ACMSD: variants seen among roughly 807,000 people sequenced by gnomAD.
The protein encoded by ACMSD is aminocarboxymuconate semialdehyde decarboxylase.
Under a neutral mutation model 45.9 loss-of-function variants are expected in ACMSD, and 37 were observed. The observed-to-expected ratio is 0.81, with a 90% confidence interval of 0.62 to 1.06. The LOEUF is 1.06. ACMSD is among the 50% of genes least tolerant of loss of function. The probability of loss-of-function intolerance (pLI) is 0.00; values close to 1 mark genes in which losing one functional copy is unlikely to be tolerated. For missense variants in ACMSD, 434 were observed against 420.9 expected (o/e 1.03, Z -0.27); for synonymous variants, 138 against 148.8 (o/e 0.93, Z 0.53).
chr2:134,885,361 CAT>C (rs1293580382), intron 8 of ACMSD, among the ~76,000 whole-genome samples: 32 of 95,726 alleles, frequency 3.3e-4, no homozygotes, highest in African/African-American at 1.2e-3. Context: ...TATATATTTA[CAT>C]ATATATTATA....
intron 8 of ACMSD, among the ~76,000 whole-genome samples, chr2:134,874,550 C>A (rs1315133908): frequency 2.6e-5 from 4 of 152,014 alleles, no homozygotes; most frequent in Non-Finnish European, 5.9e-5. Flanking sequence ...AGGGAGGTCT[C>A]TAGAAAGAAA....
chr2:134,897,150 CAA>C (rs1208357847), intron 8 of ACMSD, among the ~76,000 whole-genome samples: 1 of 145,182 alleles, frequency 6.9e-6, no homozygotes. Context: ...AATTATATCT[CAA>C]AAAAAAAAGA....
At chr2:134,891,951 ATTATC>A (rs1278413666) in intron 8 of ACMSD, among the ~76,000 whole-genome samples, 1 of 152,188 alleles carries the variant, frequency 6.6e-6, no homozygotes, top group African/African-American at 2.4e-5. Flanking sequence ...ACTGGAGGCT[ATTATC>A]TTAAGTGAAA....
intron 5 of ACMSD, 65 bp from the exon 6 acceptor site, chr2:134,867,514 C>T (rs1688158277): frequency 1.5e-6 from 2 of 1,290,462 alleles, no homozygotes; most frequent in Non-Finnish European, 1.1e-6. Flanking sequence ...TTCCCCAAAA[C>T]AGTACCTGGT....
Position 134,898,357 on chromosome 2 carries a change from G to A in ACMSD, c.866G>A (p.Gly289Glu), listed in dbSNP as rs1026003140. Reference protein sequence around the residue: ...DVIGKDKVILGTDYPFPLGEL... With the variant: ...DVIGKDKVILETDYPFPLGEL... ...GTTTTTTAGGATAAAGTCATTTTGG[G>A]AACCGATTACCCCTTTCCACTAGGT... is the stretch of plus-strand genomic sequence containing the variant. The change falls in exon 9 of 10, where the codon GGA (glycine) becomes GAA (glutamate). Residue 289 changes from glycine to glutamate, a missense_variant. Coordinates refer to ENST00000356140, the MANE Select transcript of ACMSD (RefSeq NM_138326.3). The A allele has an allele frequency of 3.8e-6, 6 of 1,584,954 alleles. No individual in the cohort carries two copies. The Admixed American group carries it at 7.4e-5, about 20-fold the overall frequency.
intron 7 of ACMSD, 88 bp downstream of exon 7, chr2:134,871,148 C>A: frequency 1.7e-6 from 2 of 1,206,994 alleles, no homozygotes; most frequent in South Asian, 1.3e-5. Context: ...AATTTATTTT[C>A]TCACAGTCCT....
In ACMSD at chr2:134,863,561, C is replaced by T. The variant is rs760563372; in HGVS notation, c.416C>T (p.Pro139Leu). Residue 139 changes from proline (P) to leucine (L), a missense_variant, in exon 5 of 10, where the codon CCC becomes CTC. Coordinates refer to ENST00000356140, the MANE Select transcript of ACMSD (RefSeq NM_138326.3). ...MERCVKELGFPGVQIGTHVNE... is the reference protein window; with the variant it reads ...MERCVKELGFLGVQIGTHVNE... ...CGCTGTGTGAAAGAGCTGGGCTTTC[C>T]CGGGGTCCAAATTGGCACCCACGTC... is the stretch of plus-strand genomic sequence containing the variant. 1.2e-6 allele frequency: 2 copies of T among 1,614,162 alleles called. No individual in the cohort carries two copies. Among genetic ancestry groups the T allele is most frequent in the Non-Finnish European group, 1.7e-6 (2 of 1,180,002 alleles).
chr2:134,840,670 C>T (rs1379541000), intron 1 of ACMSD, among the ~76,000 whole-genome samples: 1 of 152,232 alleles, frequency 6.6e-6, no homozygotes, highest in Non-Finnish European at 1.5e-5. Flanking sequence ...AGCTTCCAAA[C>T]TCCCTCTCCT....
intron 5 of ACMSD, among the ~76,000 whole-genome samples, chr2:134,865,575 A>T (rs1045196853): frequency 5.3e-5 from 8 of 152,080 alleles, no homozygotes; most frequent in Non-Finnish European, 1.2e-4. Flanking sequence ...GTGACTTATG[A>T]TGTCCTGGGG....
intron 8 of ACMSD, among the ~76,000 whole-genome samples, chr2:134,887,939 A>G (rs1259091047): frequency 6.6e-6 from 1 of 152,200 alleles, no homozygotes; most frequent in African/African-American, 2.4e-5. Context: ...ATATAGAAGA[A>G]TATCTCTTCA....
chr2:134,894,671 T>G lies in ACMSD; in HGVS notation c.850-3670T>G, dbSNP rs565618977. ...AACCCACAACTAACATCACACTTAA[T>G]AGTGAAAGACTGAAAGGCTCTATTC... On this transcript the variant is annotated intron_variant, in intron 8 of 9. Coordinates refer to ENST00000356140, the MANE Select transcript of ACMSD (RefSeq NM_138326.3). Among the ~76,000 whole-genome samples the G allele has an allele frequency of 1.9e-4, 29 of 152,254 alleles. 1 individual carries two copies. The South Asian group carries it at 5.6e-3, about 29-fold the overall frequency.
intron 1 of ACMSD, among the ~76,000 whole-genome samples, chr2:134,840,194 C>CAAAAAAAAAAAAAAAAAAAAA (rs1300580743): frequency 1.5e-5 from 1 of 68,740 alleles, no homozygotes; most frequent in African/African-American, 6.0e-5. Context: ...AAAAAAAAAA[C>CAAAAAAAAAAAAAAAAAAAAA]CACTAATTCC....
At chr2:134,880,521 C>A (rs1688981004) in intron 8 of ACMSD, among the ~76,000 whole-genome samples, 1 of 151,902 alleles carries the variant, frequency 6.6e-6, no homozygotes. Context: ...AGATTTTTTT[C>A]AACTTTATTT....
At chr2:134,888,510 A>G (rs1689588457) in intron 8 of ACMSD, among the ~76,000 whole-genome samples, 1 of 152,200 alleles carries the variant, frequency 6.6e-6, no homozygotes. Flanking sequence ...ACAAAAATAC[A>G]GCTTGTATAA....
chr2:134,895,201 G>A (rs1395447471), intron 8 of ACMSD, among the ~76,000 whole-genome samples: 2 of 151,774 alleles, frequency 1.3e-5, no homozygotes, highest in Non-Finnish European at 2.9e-5. Context: ...AGCTACTAGG[G>A]AGGCTAAGGT....
chr2:134,864,549 C>T (rs767722769), intron 5 of ACMSD, among the ~76,000 whole-genome samples: 4 of 151,856 alleles, frequency 2.6e-5, no homozygotes, highest in African/African-American at 4.8e-5. Flanking sequence ...TTTTAATGCA[C>T]GATTTTTAAA....
At position 134,867,610 on chromosome 2, in the gene ACMSD, T is replaced by G; in HGVS notation, c.518T>G (p.Val173Gly). 1 of 1,614,066 alleles carries G rather than the reference T, an allele frequency of 6.2e-7. No homozygotes were observed. The highest frequency in any genetic ancestry group is 1.1e-5 in the South Asian group (1 of 91,052). ...AAERLKCSLF[V>G]HPWDMQMDGR... Reference sequence around the variant, plus strand: ...GAAAGGCTGAAGTGTTCCCTGTTCGTGCATCCCTGGGACATGCAGATGGAT... The same window carrying G: ...GAAAGGCTGAAGTGTTCCCTGTTCGGGCATCCCTGGGACATGCAGATGGAT... The change falls in exon 6 of 10, where the codon GTG becomes GGG. Residue 173 changes from valine to glycine, a missense_variant. Val to Gly is a moderately radical substitution (Grantham distance 109). Coordinates refer to ENST00000356140, the MANE Select transcript of ACMSD (RefSeq NM_138326.3).
In ACMSD at chr2:134,839,781, T is replaced by C. The variant is rs189029582; in HGVS notation, c.57+1042T>C. On this transcript the variant is annotated intron_variant, in intron 1 of 9. Coordinates refer to ENST00000356140, the MANE Select transcript of ACMSD (RefSeq NM_138326.3). ...CCTATGCACAGCTAACGATAAAAGA[T>C]AAACCTCTCAACCTGCTCTTCCTAA... 7.6e-4 allele frequency among the ~76,000 whole-genome samples: 115 copies of C among 152,314 alleles called. 1 individual carries two copies. Among genetic ancestry groups the C allele is most frequent in the Non-Finnish European group, 9.7e-4 (66 of 68,024 alleles).
intron 6 of ACMSD, among the ~76,000 whole-genome samples, chr2:134,869,249 G>C (rs1402001979): frequency 6.6e-6 from 1 of 152,000 alleles, no homozygotes; most frequent in African/African-American, 2.4e-5. Flanking sequence ...GTCTCACTCT[G>C]TTGCCCAGGC....
Sources: gnomAD v4.1 joint callset for allele counts (sites outside exome capture counted in the v4.1 genomes callset) on GRCh38, gnomAD v4.1.1 for gene constraint, MANE v1.5 for transcripts, NCBI Gene and HGNC (gene_info 2026-07-23, HGNC 2026-07-21) for gene names.